CD96: variants seen among roughly 807,000 people sequenced by gnomAD.
The protein encoded by CD96 is CD96 molecule.
CD96 carries 70 observed loss-of-function variants against 71.3 expected under a neutral mutation model. That is an observed-to-expected ratio of 0.98 (90% CI 0.81 to 1.20). The LOEUF is 1.20. Ranked by LOEUF, CD96 falls within the 50% of genes most tolerant of loss-of-function variation. The pLI is 0.00. For missense variants in CD96, 742 were observed against 677.5 expected, an observed-to-expected ratio of 1.10 and a Z score of -1.06; for synonymous variants, 248 against 233.0, an observed-to-expected ratio of 1.06 and a Z score of -0.59.
chr3:111,585,779 A>G (rs1936686342), intron 5 of CD96, among the ~76,000 whole-genome samples: 1 of 152,016 alleles, frequency 6.6e-6, no homozygotes, highest in African/African-American at 2.4e-5. Context: ...CCACTTTCCC[A>G]TTGTTTTTAT....
intron 12 of CD96, among the ~76,000 whole-genome samples, chr3:111,642,531 T>C (rs1221203846): frequency 2.0e-5 from 3 of 152,154 alleles, no homozygotes; most frequent in Admixed American, 2.0e-4. Flanking sequence ...CTGAGCGCAG[T>C]GGCTCAGTGG....
intron 3 of CD96, among the ~76,000 whole-genome samples, chr3:111,578,655 CT>C (rs1936329528): frequency 6.6e-6 from 1 of 152,204 alleles, no homozygotes; most frequent in Non-Finnish European, 1.5e-5. Flanking sequence ...AATCTTCACA[CT>C]GATACAGTCT....
At chr3:111,605,752 G>A (rs569122995) in intron 7 of CD96, among the ~76,000 whole-genome samples, 2 of 152,136 alleles carry the variant, frequency 1.3e-5, no homozygotes, top group South Asian at 4.2e-4. Flanking sequence ...TCCTCCCACG[G>A]GGCTATGTGC....
At chr3:111,635,809 G>A (rs1316391724) in intron 10 of CD96, among the ~76,000 whole-genome samples, 2 of 152,128 alleles carry the variant, frequency 1.3e-5, no homozygotes, top group African/African-American at 4.8e-5. Flanking sequence ...AACATACTTT[G>A]ATGAGATACA....
intron 2 of CD96, among the ~76,000 whole-genome samples, chr3:111,548,652 A>AAAT (rs1934537926): frequency 1.3e-5 from 2 of 152,224 alleles, no homozygotes. Context: ...GCTTTAATTT[A>AAAT]CTAGTTCACA....
At chr3:111,635,340 C>T (rs956124483) in intron 10 of CD96, among the ~76,000 whole-genome samples, 2 of 152,108 alleles carry the variant, frequency 1.3e-5, no homozygotes, top group South Asian at 4.1e-4. Flanking sequence ...CAAAAAACCT[C>T]AAAGTCAAAA....
chr3:111,601,007 G>A (rs368145157), intron 7 of CD96, 93 bp downstream of exon 7: 26 of 820,474 alleles, frequency 3.2e-5, no homozygotes, highest in African/African-American at 5.2e-5. Context: ...CTTCCATAAC[G>A]TTTTAATCTC....
intron 14 of CD96, among the ~76,000 whole-genome samples, chr3:111,663,176 T>G (rs886869342): frequency 2.0e-5 from 3 of 152,162 alleles, no homozygotes; most frequent in Non-Finnish European, 4.4e-5. Context: ...GAGTAGTACT[T>G]TTTTGCTACA....
chr3:111,573,536 T>G (rs1936084753), intron 3 of CD96, among the ~76,000 whole-genome samples: 1 of 152,126 alleles, frequency 6.6e-6, no homozygotes, highest in Admixed American at 6.5e-5. Context: ...CCTGGGACCT[T>G]TAAGTACAAA....
intron 6 of CD96, among the ~76,000 whole-genome samples, chr3:111,600,178 A>C (rs968966736): frequency 6.6e-6 from 1 of 152,220 alleles, no homozygotes; most frequent in Non-Finnish European, 1.5e-5. Flanking sequence ...GTCAGATATG[A>C]GCTCCTTCGT....
chr3:111,593,617 C>T (rs1361115011), intron 5 of CD96: 11 of 1,587,650 alleles, frequency 6.9e-6, no homozygotes, highest in Non-Finnish European at 9.4e-6. Flanking sequence ...TCTCAGCCCT[C>T]ACCTTCCACT....
At chr3:111,548,567 A>G (rs545433040) in intron 2 of CD96, among the ~76,000 whole-genome samples, 1 of 152,282 alleles carries the variant, frequency 6.6e-6, no homozygotes, top group African/African-American at 2.4e-5. Context: ...TGGATCCCAT[A>G]ATGCTTCAGA....
At chr3:111,551,710 C>T (rs1364022868) in intron 2 of CD96, among the ~76,000 whole-genome samples, 2 of 152,098 alleles carry the variant, frequency 1.3e-5, no homozygotes, top group Non-Finnish European at 2.9e-5. Context: ...TGATGCTCTC[C>T]TTCACCCCAC....
intron 5 of CD96, among the ~76,000 whole-genome samples, chr3:111,590,095 G>A (rs535981519): frequency 6.6e-6 from 1 of 152,146 alleles, no homozygotes; most frequent in East Asian, 1.9e-4. Flanking sequence ...ACTGATTCTA[G>A]CAGATACTGT....
At chr3:111,617,248 G>A (rs1181919855) in intron 8 of CD96, among the ~76,000 whole-genome samples, 3 of 152,230 alleles carry the variant, frequency 2.0e-5, no homozygotes, top group Non-Finnish European at 2.9e-5. Flanking sequence ...TGGATGGAAA[G>A]GTGTAGGTCC....
At chr3:111,629,689 T>A (rs537059303) in intron 10 of CD96, among the ~76,000 whole-genome samples, 4 of 152,246 alleles carry the variant, frequency 2.6e-5, no homozygotes, top group African/African-American at 9.6e-5. Context: ...CAGAACTCTT[T>A]ACCCAAAAAC....
At chr3:111,586,637 A>C (rs1936728018) in intron 5 of CD96, among the ~76,000 whole-genome samples, 1 of 152,228 alleles carries the variant, frequency 6.6e-6, no homozygotes, top group African/African-American at 2.4e-5. Flanking sequence ...AAGAAGGAGC[A>C]CATCATGTCT....
chr3:111,583,198 A>T (rs1936549474), intron 4 of CD96, among the ~76,000 whole-genome samples: 1 of 152,234 alleles, frequency 6.6e-6, no homozygotes, highest in Non-Finnish European at 1.5e-5. Context: ...GGGCAGTCAA[A>T]TCTTAAAGTT....
intron 3 of CD96, among the ~76,000 whole-genome samples, chr3:111,572,004 C>T (rs1438969232): frequency 6.6e-6 from 1 of 152,186 alleles, no homozygotes; most frequent in Admixed American, 6.5e-5. Context: ...GAAAAATCCC[C>T]ACATTCATGC....
Sources: allele counts gnomAD v4.1 joint callset (sites outside exome capture counted in the v4.1 genomes callset), GRCh38; gene constraint gnomAD v4.1.1; transcripts MANE v1.5; gene names NCBI Gene and HGNC (gene_info 2026-07-23, HGNC 2026-07-21).